Variants in SAMMSON observed in about 807,000 individuals in gnomAD.
SAMMSON encodes the protein survival associated mitochondrial melanoma specific oncogenic non-coding RNA.
chr3:70,161,882 A>ATT (rs76487837), intron 4 of SAMMSON, among the ~76,000 whole-genome samples: 159 of 151,334 alleles, frequency 1.1e-3, no homozygotes, highest in Non-Finnish European at 1.0e-3. Flanking sequence ...TGAGTAATTC[A>ATT]TTTTTTTAAG....
chr3:70,434,184 T>C (rs1392058038), intron 2 of SAMMSON, among the ~76,000 whole-genome samples: 1 of 152,196 alleles, frequency 6.6e-6, no homozygotes, highest in East Asian at 1.9e-4. Context: ...TACATTTTGT[T>C]TGGGATTACA....
At chr3:70,397,687 C>A (rs1701103575) in intron 2 of SAMMSON, among the ~76,000 whole-genome samples, 1 of 151,728 alleles carries the variant, frequency 6.6e-6, no homozygotes, top group Admixed American at 6.6e-5. Context: ...GAAAAAAATC[C>A]TAAAAGTAAA....
chr3:70,343,781 A>C (rs1702729679), intron 7 of SAMMSON, among the ~76,000 whole-genome samples: 1 of 151,866 alleles, frequency 6.6e-6, no homozygotes, highest in Non-Finnish European at 1.5e-5. Context: ...AGATTATCTA[A>C]ATAAATTACT....
intron 7 of SAMMSON, among the ~76,000 whole-genome samples, chr3:70,350,846 C>T (rs945646499): frequency 6.6e-6 from 1 of 152,082 alleles, no homozygotes; most frequent in Admixed American, 6.5e-5. Flanking sequence ...AACAACATTT[C>T]TAAGGAGGTG....
intron 4 of SAMMSON, among the ~76,000 whole-genome samples, chr3:70,162,081 A>T (rs1559525890): frequency 2.0e-5 from 3 of 151,794 alleles, no homozygotes; most frequent in Non-Finnish European, 4.4e-5. Context: ...TCCAAAAAAC[A>T]ATGTTTTGGT....
At chr3:70,156,090 C>T (rs2067590823) in intron 4 of SAMMSON, among the ~76,000 whole-genome samples, 1 of 151,946 alleles carries the variant, frequency 6.6e-6, no homozygotes, top group Non-Finnish European at 1.5e-5. Context: ...ATCCCTGCCT[C>T]CTTCCAAACA....
chr3:70,394,262 T>A (rs901242845), downstream of SAMMSON, among the ~76,000 whole-genome samples: 5 of 152,138 alleles, frequency 3.3e-5, no homozygotes, highest in African/African-American at 1.2e-4. Context: ...GTGTGTTGGG[T>A]CAACTTGGAT....
chr3:70,118,898 G>T (rs998189220), intron 4 of SAMMSON, among the ~76,000 whole-genome samples: 1 of 152,142 alleles, frequency 6.6e-6, no homozygotes, highest in African/African-American at 2.4e-5. Flanking sequence ...CTATAATCTG[G>T]CAATGTGACC....
intron 4 of SAMMSON, among the ~76,000 whole-genome samples, chr3:70,174,762 T>A (rs1397290949): frequency 9.4e-5 from 3 of 32,068 alleles, no homozygotes. Context: ...GGTCTAAGAT[T>A]TTTTTTTTTA....
intron 4 of SAMMSON, among the ~76,000 whole-genome samples, chr3:70,177,343 T>C (rs1293824214): frequency 6.6e-6 from 1 of 152,210 alleles, no homozygotes; most frequent in Non-Finnish European, 1.5e-5. Flanking sequence ...TCAATCAATA[T>C]TTATTGAGCA....
At chr3:70,350,315 T>C (rs1320518177) in intron 7 of SAMMSON, among the ~76,000 whole-genome samples, 1 of 152,208 alleles carries the variant, frequency 6.6e-6, no homozygotes, top group Non-Finnish European at 1.5e-5. Flanking sequence ...TGTAGGTACA[T>C]TGAAATTCCA....
chr3:70,331,118 C>T (rs536005364), intron 7 of SAMMSON, among the ~76,000 whole-genome samples: 5 of 152,160 alleles, frequency 3.3e-5, no homozygotes, highest in South Asian at 2.1e-4. Context: ...AATCCTTCAA[C>T]GTATGAGCTC....
intron 4 of SAMMSON, among the ~76,000 whole-genome samples, chr3:70,189,496 G>T (rs1701115641): frequency 6.6e-6 from 1 of 152,142 alleles, no homozygotes; most frequent in African/African-American, 2.4e-5. Flanking sequence ...CTTGCCAGGG[G>T]CCTGGAATAC....
intron 4 of SAMMSON, among the ~76,000 whole-genome samples, chr3:70,110,701 C>T (rs1387641262): frequency 6.6e-6 from 1 of 152,044 alleles, no homozygotes; most frequent in East Asian, 1.9e-4. Flanking sequence ...TGAGATTGGC[C>T]CAGCTCAGGT....
At chr3:70,308,144 C>T (rs1702420359) in intron 7 of SAMMSON, among the ~76,000 whole-genome samples, 1 of 152,166 alleles carries the variant, frequency 6.6e-6, no homozygotes. Context: ...CTCAACCTCC[C>T]AGGCTCAAGC....
chr3:70,352,714 A>G (rs954930845), intron 7 of SAMMSON, among the ~76,000 whole-genome samples: 6 of 152,124 alleles, frequency 3.9e-5, no homozygotes, highest in Non-Finnish European at 8.8e-5. Context: ...TAAATATTTC[A>G]ATAATGTATA....
intron 4 of SAMMSON, among the ~76,000 whole-genome samples, chr3:70,180,147 A>G (rs1022784781): frequency 5.3e-5 from 8 of 152,118 alleles, no homozygotes; most frequent in African/African-American, 1.2e-4. Context: ...ATTTTGAGTC[A>G]ACTTAGGTTT....
intron 6 of SAMMSON, among the ~76,000 whole-genome samples, chr3:70,282,930 A>T (rs941731481): frequency 5.3e-5 from 8 of 152,184 alleles, no homozygotes. Flanking sequence ...AGGGGTAATA[A>T]AAGATGACTC....
At chr3:70,125,495 T>C (rs2067453175) in intron 4 of SAMMSON, 1 of 730,214 alleles carries the variant, frequency 1.4e-6, no homozygotes, top group East Asian at 2.7e-5. Flanking sequence ...TTTAATCTCT[T>C]CTGTGATGTT....
Sources: gnomAD v4.1 joint callset for allele counts (sites outside exome capture counted in the v4.1 genomes callset) on GRCh38, gnomAD v4.1.1 for gene constraint, MANE v1.5 for transcripts, NCBI Gene and HGNC (gene_info 2026-07-23, HGNC 2026-07-21) for gene names.